Variants in HDAC4 observed in about 807,000 individuals in gnomAD.
HDAC4 encodes the protein histone deacetylase A.
In HDAC4, 16 loss-of-function variants were observed where a neutral mutation model predicts 135.1. The observed-to-expected ratio is 0.12, with a 90% CI of 0.08 to 0.18. HDAC4 has a LOEUF of 0.18. Among genes scored for constraint, HDAC4 ranks in the 10% least tolerant of loss-of-function variants. The pLI is 1.00. For missense variants in HDAC4, 1,143 were observed against 1,511.8 expected (o/e 0.76, Z 4.05); for synonymous variants, 685 against 653.4 (o/e 1.05, Z -0.74).
At position 239,189,991 on chromosome 2, in the gene HDAC4, C is replaced by T. The variant is rs1162018890; in HGVS notation, c.181G>A (p.Val61Met). ...TGCTCCCGCAGGGCCGGCTCTGCCACAGGCAGTGAGAACTGGTGGTCCAGG... is the reference window on the plus strand; with the variant it reads ...TGCTCCCGCAGGGCCGGCTCTGCCATAGGCAGTGAGAACTGGTGGTCCAGG... The part of the protein sequence containing the change: ...LRLDHQFSLP[V>M]AEPALREQQL... The change falls in exon 4 of 27, where the codon GTG (valine) becomes ATG (methionine). Residue 61 changes from valine to methionine, a missense_variant. Transcript: ENST00000543185. 5.0e-6 allele frequency: 8 copies of T among 1,606,674 alleles called. No homozygotes were observed. The highest frequency in any genetic ancestry group is 6.8e-6 in the Non-Finnish European group (8 of 1,179,892).
Position 239,052,929 on chromosome 2 carries a change from C to T in HDAC4, c.*168G>A, listed in dbSNP as rs1559338398. 1 of 763,928 alleles carries T rather than the reference C, an allele frequency of 1.3e-6. No individual in the cohort carries two copies. The highest frequency in any genetic ancestry group is 1.5e-5 in the South Asian group (1 of 66,506). The allele number at this position is 763,928 out of a possible 1,614,324, so 47.3% of individuals were successfully genotyped here. ...CAGGCGTGCATGTGCGTCTCGAGAC[C>T]TGTGGGCCTGGGCGGCAGAAAGGCT... On this transcript the variant is annotated 3_prime_UTR_variant, in exon 27 of 27. Coordinates refer to ENST00000543185, the MANE Select transcript of HDAC4 (RefSeq NM_001378414.1).
At chr2:239,373,229 G>A (rs1473566656) in intron 1 of HDAC4, among the ~76,000 whole-genome samples, 2 of 152,060 alleles carry the variant, frequency 1.3e-5, no homozygotes, top group Non-Finnish European at 2.9e-5. Context: ...ACACTGCTGC[G>A]GCCTCTACAT....
intron 2 of HDAC4, among the ~76,000 whole-genome samples, chr2:239,261,334 A>G (rs1450286269): frequency 6.6e-6 from 1 of 152,200 alleles, no homozygotes; most frequent in Non-Finnish European, 1.5e-5. Context: ...AGGAGGGCGT[A>G]CAGAAGGCAC....
chr2:239,265,852 G>A lies in HDAC4; in HGVS notation c.23-29188C>T, dbSNP rs35491371. On this transcript the variant is annotated intron_variant, in intron 2 of 26. Transcript: ENST00000543185. ...AGGTCCTGGGGGTGAATGGGAATGC[G>A]GGAACCATGCCATGGGCTGGCTGGT... Among the ~76,000 whole-genome samples the A allele has an allele frequency of 4.9e-3, 752 of 152,350 alleles. 3 individuals carry two copies. Among genetic ancestry groups the A allele is most frequent in the Non-Finnish European group, 7.9e-3 (537 of 68,034 alleles).
chr2:239,102,488 T>A, intron 16 of HDAC4: 1 of 427,604 alleles, frequency 2.3e-6, no homozygotes. Context: ...GCGGGCAGCA[T>A]GCTGGCTGTG....
At position 239,156,780 on chromosome 2, in the gene HDAC4, A is replaced by G. The variant is rs769980788; in HGVS notation, c.612-7T>C. 10 of 1,613,990 alleles carry G rather than the reference A, an allele frequency of 6.2e-6. No homozygotes were observed. Among genetic ancestry groups the G allele is most frequent in the Admixed American group, 1.7e-5 (1 of 59,998 alleles). On this transcript the variant is annotated splice_region_variant and splice_polypyrimidine_tract_variant and intron_variant, in intron 6 of 26. Transcript: ENST00000543185. The stretch of plus-strand genomic sequence containing the variant: ...GGAACTGTGCTGCGTTTTCCTGGAG[A>G]GAAGGCAAAGACAGATGGTTTAGTT...
rs193271356 is a variant in HDAC4, at chr2:239,149,990, G to C, written c.734-5276C>G. Among the ~76,000 whole-genome samples, 6 of 152,334 alleles carry C rather than the reference G, an allele frequency of 3.9e-5. No individual in the cohort carries two copies. In the East Asian group the frequency reaches 1.2e-3, roughly 29 times the overall value. On this transcript the variant is annotated intron_variant, in intron 7 of 26. Coordinates refer to ENST00000543185, the MANE Select transcript of HDAC4 (RefSeq NM_001378414.1). ...CCTACAGAAATACTAACACAGTGAG[G>C]AAAGGTGCTCAAAGTTGCTGGCAAA...
chr2:239,134,515 G>A lies in HDAC4; in HGVS notation c.1095+12C>T, dbSNP rs752455513. ...CACCCCACACCACACGGACCCACGG[G>A]GGCTGACTTACCGCAGAGGGGCCGG... is the stretch of plus-strand genomic sequence containing the variant. On this transcript the variant is annotated intron_variant, in intron 10 of 26. Coordinates refer to ENST00000543185, the MANE Select transcript of HDAC4 (RefSeq NM_001378414.1). The A allele has an allele frequency of 3.7e-6, 6 of 1,613,680 alleles. No individual in the cohort carries two copies. The African/African-American group carries it at 8.0e-5, about 22-fold the overall frequency.
chr2:239,278,198 A>G (rs898774072), intron 2 of HDAC4, among the ~76,000 whole-genome samples: 2 of 151,930 alleles, frequency 1.3e-5, no homozygotes, highest in African/African-American at 4.8e-5. Context: ...AAAAAAAAAA[A>G]AACAGACTGG....
intron 2 of HDAC4, among the ~76,000 whole-genome samples, chr2:239,351,971 C>T (rs560944344): frequency 3.1e-4 from 47 of 151,780 alleles, no homozygotes; most frequent in African/African-American, 1.1e-3. Context: ...CGGCAGGCCT[C>T]GAGGTTTCAT....
At position 239,285,499 on chromosome 2, in the gene HDAC4, G is replaced by A. The variant is rs1255777043; in HGVS notation, c.23-48835C>T. ...CCGGCTGCCAGCAAGTGTCTCCGCC[G>A]CGGGACCTGTCATCCCAGCTGGTGG... On this transcript the variant is annotated intron_variant, in intron 2 of 26. Transcript: ENST00000543185. The surrounding 1 kb of genome is among the most constrained non-coding windows in gnomAD (Gnocchi z 4.5). Among the ~76,000 whole-genome samples, 5 of 152,230 alleles carry A rather than the reference G, an allele frequency of 3.3e-5. No individual in the cohort carries two copies. Among genetic ancestry groups the A allele is most frequent in the Non-Finnish European group, 5.9e-5 (4 of 68,040 alleles).
In HDAC4 at chr2:239,331,594, A is replaced by C. The variant is rs1016557281; in HGVS notation, c.22+21084T>G. 2.0e-5 allele frequency among the ~76,000 whole-genome samples: 3 copies of C among 152,100 alleles called. No individual in the cohort carries two copies. Among genetic ancestry groups the C allele is most frequent in the Non-Finnish European group, 4.4e-5 (3 of 68,018 alleles). ...CGGGGGAAGCCTTCAGGAAGCACACACGGGCCAGGTGAGCGAACTGCAATG... is the reference window on the plus strand; with the variant it reads ...CGGGGGAAGCCTTCAGGAAGCACACCCGGGCCAGGTGAGCGAACTGCAATG... On this transcript the variant is annotated intron_variant, in intron 2 of 26. Coordinates refer to ENST00000543185, the MANE Select transcript of HDAC4 (RefSeq NM_001378414.1). This position sits in a 1 kb window ranked among gnomAD's most constrained non-coding sequence, Gnocchi z 4.5.
chr2:239,080,118 C>T (rs2035162164), intron 22 of HDAC4, among the ~76,000 whole-genome samples: 2 of 148,334 alleles, frequency 1.3e-5, no homozygotes, highest in South Asian at 4.2e-4. Context: ...AGATGAACAC[C>T]GACCCACACA....
chr2:239,394,702 A>G (rs75468825), intron 1 of HDAC4, among the ~76,000 whole-genome samples: 1,554 of 152,278 alleles, frequency 0.01, 25 homozygotes, highest in African/African-American at 0.035. Context: ...ACTGGCAAGA[A>G]CCCCGCAGAG....
Position 239,084,136 on chromosome 2 carries a change from C to T in HDAC4, c.2532+19G>A, listed in dbSNP as rs778028205. The T allele has an allele frequency of 6.3e-7, 1 of 1,597,950 alleles. No homozygotes were observed. Among genetic ancestry groups the T allele is most frequent in the Non-Finnish European group, 8.6e-7 (1 of 1,167,236 alleles). ...AAAGGAGCAACCTGAGCTGCGCTGG[C>T]CAAGGCGGCTCTGCTTACCCAGTCC... On this transcript the variant is annotated intron_variant, in intron 20 of 26. Transcript: ENST00000543185.
chr2:239,129,617 G>A (rs1000328544), intron 11 of HDAC4, among the ~76,000 whole-genome samples: 2 of 152,162 alleles, frequency 1.3e-5, no homozygotes, highest in African/African-American at 4.8e-5. Context: ...CCTGGCTCCT[G>A]AGCTGACCCT....
chr2:239,131,481 C>T (rs906499194), intron 11 of HDAC4, among the ~76,000 whole-genome samples: 1 of 152,166 alleles, frequency 6.6e-6, no homozygotes, highest in East Asian at 1.9e-4. Context: ...GCAGTGTGAT[C>T]CAGGGAAGGA....
intron 4 of HDAC4, chr2:239,186,766 T>G (rs981718355): frequency 1.3e-5 from 2 of 152,414 alleles, no homozygotes; most frequent in African/African-American, 4.8e-5. Context: ...GCAGAGGGGT[T>G]CTGGAGGTGA....
chr2:239,096,220 C>A (rs541415094), intron 16 of HDAC4, among the ~76,000 whole-genome samples: 1 of 152,222 alleles, frequency 6.6e-6, no homozygotes, highest in African/African-American at 2.4e-5. Context: ...CAGGGAACAG[C>A]GTGCCTGGCT....
Sources: gnomAD v4.1 joint callset for allele counts (sites outside exome capture counted in the v4.1 genomes callset) on GRCh38, gnomAD v4.1.1 for gene constraint, Gnocchi (gnomAD v3.1) non-coding constraint, MANE v1.5 for transcripts, NCBI Gene and HGNC (gene_info 2026-07-23, HGNC 2026-07-21) for gene names.